Variants in SIN3B observed in about 807,000 individuals in gnomAD.
SIN3B encodes the protein SIN3 transcription regulator family member B.
SIN3B carries 19 observed loss-of-function variants against 120.2 expected under a neutral mutation model. The observed-to-expected ratio is 0.16, with a 90% CI of 0.11 to 0.23. The LOEUF (loss-of-function observed/expected upper bound fraction) is 0.23. Among genes scored for constraint, SIN3B ranks in the 10% least tolerant of loss-of-function variants. The probability of loss-of-function intolerance (pLI) is 1.00; values close to 1 mark genes in which losing one functional copy is unlikely to be tolerated. For synonymous variants in SIN3B, 654 were observed against 653.2 expected, an observed-to-expected ratio of 1.00 and a Z score of -0.02; for missense variants, 1,073 against 1,573.0, an observed-to-expected ratio of 0.68 and a Z score of 5.38.
intron 17 of SIN3B, among the ~76,000 whole-genome samples, chr19:16,877,971 G>A (rs190434793): frequency 1.5e-3 from 227 of 152,264 alleles, no homozygotes; most frequent in African/African-American, 5.0e-3. Flanking sequence ...GACCACCTCA[G>A]GTCGGGCTAG....
chr19:16,842,915 G>A (rs934488916), intron 4 of SIN3B, among the ~76,000 whole-genome samples: 5 of 152,184 alleles, frequency 3.3e-5, no homozygotes, highest in African/African-American at 1.2e-4. Context: ...TTGGTGCCAG[G>A]AATGGCCTGT....
At chr19:16,857,257 AC>A (rs1971627676) in intron 8 of SIN3B, among the ~76,000 whole-genome samples, 2 of 152,198 alleles carry the variant, frequency 1.3e-5, no homozygotes, top group Non-Finnish European at 2.9e-5. Flanking sequence ...GATGAATCTG[AC>A]TGTTCCAAAA....
At position 16,862,807 on chromosome 19, in the gene SIN3B, G is replaced by C. The variant is rs1971707048; in HGVS notation, c.1266+248G>C. The C allele has an allele frequency of 8.2e-7, 1 of 1,221,892 alleles. No homozygotes were observed. Among genetic ancestry groups the C allele is most frequent in the Admixed American group, 1.7e-5 (1 of 58,128 alleles). The allele number at this position is 1,221,892 out of a possible 1,614,324, so 75.7% of individuals were successfully genotyped here. A position where few individuals can be genotyped will look rare whatever the true frequency, so the allele number is the denominator to read the frequency against. On this transcript the variant is annotated intron_variant, in intron 9 of 18. Coordinates refer to ENST00000248054, the MANE Select transcript of SIN3B (RefSeq NM_001297595.2). This position sits in a 1 kb window ranked among gnomAD's most constrained non-coding sequence, Gnocchi z 4.7. Reference sequence around the variant, plus strand: ...AACGTGGAGTTCGGCTTATTCATCTGTTATTTGACTTAGGTTTATTGCTGC... The same window carrying C: ...AACGTGGAGTTCGGCTTATTCATCTCTTATTTGACTTAGGTTTATTGCTGC...
intron 13 of SIN3B, among the ~76,000 whole-genome samples, chr19:16,870,730 T>G (rs540938353): frequency 6.6e-6 from 1 of 152,228 alleles, no homozygotes; most frequent in East Asian, 1.9e-4. Context: ...TTTTTTTGTA[T>G]TTTTAGTGGA....
rs2051652615 is a variant in SIN3B, at chr19:16,878,919, CT to C, written c.*193del. ...CCTGTGGGCCTGCTGTGTGCCAAAC[CT>C]GAGCTACCTGCACCCGAGCCCTGGG... is the stretch of plus-strand genomic sequence containing the variant. On this transcript the variant is annotated 3_prime_UTR_variant, in exon 19 of 19. Coordinates refer to ENST00000248054, the MANE Select transcript of SIN3B (RefSeq NM_001297595.2). 1 of 598,944 alleles carries C rather than the reference CT, an allele frequency of 1.7e-6. No individual in the cohort carries two copies. Among genetic ancestry groups the C allele is most frequent in the South Asian group, 2.1e-5 (1 of 48,470 alleles). The allele number at this position is 598,944 out of a possible 1,614,324, so 37.1% of individuals were successfully genotyped here.
At chr19:16,875,969 C>G (rs1319541565) in intron 14 of SIN3B, 86 bp from the exon 15 acceptor site, 20 of 1,439,352 alleles carry the variant, frequency 1.4e-5, no homozygotes, top group Non-Finnish European at 1.9e-5. Flanking sequence ...TGATGTGTTT[C>G]TGGCCTTTGT....
chr19:16,834,852 G>A (rs1378974049), intron 3 of SIN3B, among the ~76,000 whole-genome samples: 2 of 151,906 alleles, frequency 1.3e-5, no homozygotes, highest in Non-Finnish European at 2.9e-5. Flanking sequence ...AGAGGCCATC[G>A]TCTGAAAGCC....
In SIN3B at chr19:16,857,517, A is replaced by ATGTGTGTGTGTGTGTGTG. The variant is rs72233219; in HGVS notation, c.1058+3276_1058+3293dup. Among the ~76,000 whole-genome samples the ATGTGTGTGTGTGTGTGTG allele has an allele frequency of 6.7e-3, 628 of 93,424 alleles. 5 individuals carry two copies. Among genetic ancestry groups the ATGTGTGTGTGTGTGTGTG allele is most frequent in the East Asian group, 0.013 (29 of 2,250 alleles). 61.3% of individuals were successfully genotyped at this position (93,424 alleles called of 152,430 possible). On this transcript the variant is annotated intron_variant, in intron 8 of 18. Transcript: ENST00000248054. ...CCTTTTGCATTAACTTAAAAAAAAT[A>ATGTGTGTGTGTGTGTGTG]TGTGTGTGTGTGTGTGTGTGTGTGT...
intron 17 of SIN3B, 70 bp downstream of exon 17, chr19:16,877,709 CG>C (rs1164435643): frequency 3.6e-6 from 4 of 1,119,146 alleles, no homozygotes; most frequent in South Asian, 1.3e-5. Context: ...TTTGTCCTGA[CG>C]GGGGCTGGAC....
intron 8 of SIN3B, among the ~76,000 whole-genome samples, chr19:16,856,153 G>A (rs890717959): frequency 1.3e-5 from 2 of 152,210 alleles, no homozygotes; most frequent in Admixed American, 1.3e-4. Flanking sequence ...CTGGTGGCCA[G>A]GTCAGCCTCA....
rs1338903125 is a variant in SIN3B, at chr19:16,878,791, T to G, written c.*64T>G. On this transcript the variant is annotated 3_prime_UTR_variant, in exon 19 of 19. Transcript: ENST00000248054. ...ACAGACGTGCCCTCGGCCTTGGTCG[T>G]GTCGGGGCCGTTTTCTTGAACGACG... 4 of 1,405,078 alleles carry G rather than the reference T, an allele frequency of 2.8e-6. No individual in the cohort carries two copies. The East Asian group carries it at 1.0e-4, about 35-fold the overall frequency. The allele number at this position is 1,405,078 out of a possible 1,614,324, so 87.0% of individuals were successfully genotyped here.
rs572270061 is a variant in SIN3B at position 16,851,314 on chromosome 19, C to T, written c.727-98C>T. The stretch of plus-strand genomic sequence containing the variant: ...CCTGGTGCCCGTGGCCACCATTGCC[C>T]ACCGGGCTGTGGGCTGAGCTGGAAG... On this transcript the variant is annotated intron_variant, in intron 5 of 18. Coordinates refer to ENST00000248054, the MANE Select transcript of SIN3B (RefSeq NM_001297595.2). The T allele has an allele frequency of 1.2e-4, 170 of 1,430,004 alleles. 3 individuals carry two copies. The African/African-American group carries it at 2.1e-3, about 17-fold the overall frequency. 88.6% of individuals were successfully genotyped at this position (1,430,004 alleles called of 1,614,324 possible).
intron 11 of SIN3B, among the ~76,000 whole-genome samples, chr19:16,865,875 T>A (rs1347285581): frequency 6.6e-6 from 1 of 152,212 alleles, no homozygotes; most frequent in Non-Finnish European, 1.5e-5. Context: ...CTTTCCACCT[T>A]GCACATAATA....
intron 8 of SIN3B, chr19:16,854,633 CAAAG>C: frequency 5.5e-6 from 1 of 181,388 alleles, no homozygotes; most frequent in South Asian, 1.0e-4. Flanking sequence ...TCCCACATCC[CAAAG>C]ATGTGCATGT....
At chr19:16,842,049 C>G in intron 4 of SIN3B, 81 bp downstream of exon 4, 1 of 1,179,784 alleles carries the variant, frequency 8.5e-7, no homozygotes, top group East Asian at 2.5e-5. Flanking sequence ...ATTTTCTTGT[C>G]GGAATTCATA....
At chr19:16,853,981 G>C (rs1427081867) in intron 7 of SIN3B, among the ~76,000 whole-genome samples, 162 bp from the exon 8 acceptor site, 1 of 151,452 alleles carries the variant, frequency 6.6e-6, no homozygotes, top group Non-Finnish European at 1.5e-5. Flanking sequence ...ATTGGTGCAT[G>C]GATTGCGTGC....
rs1971488224 is a variant in SIN3B at position 16,847,039 on chromosome 19, G to A, written c.652G>A (p.Ala218Thr). ...MSEEEVFTEV[A>T]NLFRGQEDLL... Reference sequence around the variant, plus strand: ...TGAAGAGGAGGTGTTCACCGAGGTGGCCAACCTCTTCCGGGGCCAGGAGGA... The same window carrying A: ...TGAAGAGGAGGTGTTCACCGAGGTGACCAACCTCTTCCGGGGCCAGGAGGA... Residue 218 changes from alanine to threonine, a missense_variant, in exon 5 of 19, where the codon GCC becomes ACC. Coordinates refer to ENST00000248054, the MANE Select transcript of SIN3B (RefSeq NM_001297595.2). 1.2e-6 allele frequency: 2 copies of A among 1,614,160 alleles called. No homozygotes were observed. The highest frequency in any genetic ancestry group is 1.7e-6 in the Non-Finnish European group (2 of 1,179,984).
At chr19:16,870,135 T>C in intron 13 of SIN3B, 60 bp downstream of exon 13, 2 of 1,422,132 alleles carry the variant, frequency 1.4e-6, no homozygotes, top group East Asian at 2.5e-5. Flanking sequence ...GGGTCACAGC[T>C]CATGATCTGA....
intron 3 of SIN3B, among the ~76,000 whole-genome samples, chr19:16,837,530 A>C (rs1351371884): frequency 6.6e-6 from 1 of 152,008 alleles, no homozygotes; most frequent in Non-Finnish European, 1.5e-5. Context: ...CAATGGCGAC[A>C]GAGTGGATGG....
Sources: gnomAD v4.1 joint callset for allele counts (sites outside exome capture counted in the v4.1 genomes callset) on GRCh38, gnomAD v4.1.1 for gene constraint, Gnocchi (gnomAD v3.1) non-coding constraint, MANE v1.5 for transcripts, NCBI Gene and HGNC (gene_info 2026-07-23, HGNC 2026-07-21) for gene names.